The following TAOK3 variants were observed in gnomAD, a reference collection of about 807,000 sequenced individuals.
TAOK3 encodes serine/threonine-protein kinase TAO3.
In TAOK3, 40 loss-of-function variants were observed where a neutral mutation model predicts 120.4. The ratio of observed to expected loss-of-function variants is 0.33; its 90% CI spans 0.26 to 0.43. TAOK3 has a LOEUF of 0.43. TAOK3 is among the 20% of genes least tolerant of loss of function. The pLI, the probability that TAOK3 is intolerant of heterozygous loss-of-function variation, is 1.00. For missense variants in TAOK3, 821 were observed against 1,112.1 expected, an observed-to-expected ratio of 0.74 and a Z score of 3.72; for synonymous variants, 355 against 387.5, an observed-to-expected ratio of 0.92 and a Z score of 0.99.
intron 14 of TAOK3, among the ~76,000 whole-genome samples, chr12:118,184,724 T>G (rs2138968226): frequency 6.6e-6 from 1 of 152,352 alleles, no homozygotes; most frequent in South Asian, 2.1e-4. Flanking sequence ...CTGTAGTTTT[T>G]ACAATGGCAG....
intron 1 of TAOK3, among the ~76,000 whole-genome samples, chr12:118,301,235 C>T (rs1213185926): frequency 6.6e-6 from 1 of 152,164 alleles, no homozygotes; most frequent in Non-Finnish European, 1.5e-5. Context: ...ATGCCATAAG[C>T]AGCTGCAAAT....
intron 5 of TAOK3, among the ~76,000 whole-genome samples, chr12:118,242,002 A>G (rs1839874685): frequency 6.6e-6 from 1 of 151,370 alleles, no homozygotes; most frequent in Non-Finnish European, 1.5e-5. Flanking sequence ...CAGGAGAATC[A>G]CTTGAACCCG....
chr12:118,252,957 A>C (rs2040821513), intron 3 of TAOK3, among the ~76,000 whole-genome samples: 2 of 151,932 alleles, frequency 1.3e-5, no homozygotes, highest in South Asian at 4.2e-4. Flanking sequence ...CGAACTCTTG[A>C]CCTCGTGATC....
At position 118,246,513 on chromosome 12, in the gene TAOK3, T is replaced by C. The variant is rs2040513250; in HGVS notation, c.121-1548A>G. Reference sequence around the variant, plus strand: ...CCACGTCGGTCTGGGTGTTAAGTGCTCCAAGGAGGTGGCCACCGCCATCCG... The same window carrying C: ...CCACGTCGGTCTGGGTGTTAAGTGCCCCAAGGAGGTGGCCACCGCCATCCG... On this transcript the variant is annotated intron_variant, in intron 3 of 20. Transcript: ENST00000392533. 17 of 1,564,220 alleles carry C rather than the reference T, an allele frequency of 1.1e-5. No homozygotes were observed. The South Asian group carries it at 1.9e-4, about 18-fold the overall frequency.
intron 14 of TAOK3, among the ~76,000 whole-genome samples, chr12:118,186,275 C>T (rs1334363996): frequency 6.6e-6 from 1 of 152,164 alleles, no homozygotes; most frequent in African/African-American, 2.4e-5. Context: ...CTCTGTAATG[C>T]AGTCACAGGT....
intron 15 of TAOK3, 82 bp downstream of exon 15, chr12:118,181,289 C>T: frequency 8.1e-7 from 1 of 1,236,338 alleles, no homozygotes; most frequent in Non-Finnish European, 1.2e-6. Flanking sequence ...ATCCCCCACT[C>T]CTGCCTCTTG....
intron 7 of TAOK3, chr12:118,236,221 A>T (rs1000990107): frequency 1.3e-5 from 2 of 153,134 alleles, no homozygotes; most frequent in African/African-American, 4.8e-5. Flanking sequence ...TGCAACTCTA[A>T]GGCATTTGAG....
chr12:118,247,118 A>G (rs1224188262), intron 3 of TAOK3, among the ~76,000 whole-genome samples: 1 of 152,220 alleles, frequency 6.6e-6, no homozygotes, highest in Non-Finnish European at 1.5e-5. Context: ...TAGATTGTCC[A>G]AAAGAGTAAC....
At chr12:118,285,920 C>A (rs760381067) in intron 1 of TAOK3, among the ~76,000 whole-genome samples, 1 of 152,034 alleles carries the variant, frequency 6.6e-6, no homozygotes, top group Non-Finnish European at 1.5e-5. Context: ...AGGCAAAAGG[C>A]GGAAGGACTC....
At chr12:118,329,059 G>T (rs192366318) in intron 1 of TAOK3, among the ~76,000 whole-genome samples, 73 of 152,180 alleles carry the variant, frequency 4.8e-4, no homozygotes, top group Non-Finnish European at 7.4e-5. Flanking sequence ...CACTTAAAGG[G>T]TATTTAACCC....
intron 2 of TAOK3, among the ~76,000 whole-genome samples, chr12:118,260,879 C>T (rs915920903): frequency 6.6e-6 from 1 of 152,150 alleles, no homozygotes; most frequent in Non-Finnish European, 1.5e-5. Context: ...CAGGGTTTCA[C>T]CATGTTGGCC....
At chr12:118,204,576 G>A (rs759888688) in intron 11 of TAOK3, among the ~76,000 whole-genome samples, 1 of 152,200 alleles carries the variant, frequency 6.6e-6, no homozygotes, top group Non-Finnish European at 1.5e-5. Flanking sequence ...CCAGAAGCAA[G>A]TGTAGCCTGC....
At chr12:118,176,005 T>A (rs1476640354) in intron 16 of TAOK3, among the ~76,000 whole-genome samples, 3 of 152,210 alleles carry the variant, frequency 2.0e-5, no homozygotes, top group Non-Finnish European at 4.4e-5. Context: ...GCTTACCAGT[T>A]AGTAGAGTAA....
chr12:118,366,812 A>T (rs1335610654), intron 1 of TAOK3, among the ~76,000 whole-genome samples: 1 of 152,198 alleles, frequency 6.6e-6, no homozygotes, highest in Non-Finnish European at 1.5e-5. Context: ...ACTCCAGGCC[A>T]GGCATGGTGG....
intron 17 of TAOK3, among the ~76,000 whole-genome samples, chr12:118,171,563 G>C (rs937271980): frequency 6.6e-6 from 1 of 152,098 alleles, no homozygotes; most frequent in Non-Finnish European, 1.5e-5. Context: ...CACCATGTTG[G>C]CCAGGTTGGT....
chr12:118,363,018 C>CAAAAAAAAAAA (rs60475060), intron 1 of TAOK3, among the ~76,000 whole-genome samples: 44 of 45,882 alleles, frequency 9.6e-4, no homozygotes, highest in Non-Finnish European at 1.2e-3. Context: ...GACTCCGTAT[C>CAAAAAAAAAAA]AAAAAAAAAA....
chr12:118,217,124 A>C lies in TAOK3; in HGVS notation c.644-3014T>G, dbSNP rs2139560899. Among the ~76,000 whole-genome samples, 3 of 152,240 alleles carry C rather than the reference A, an allele frequency of 2.0e-5. No individual in the cohort carries two copies. In the Middle Eastern group the frequency reaches 0.01, roughly 518 times the overall value. On this transcript the variant is annotated intron_variant, in intron 9 of 20. Transcript: ENST00000392533. ...TCTATTAACCACTTCTAAAATGACA[A>C]ATCGGGCTTATTCTATGCAGTTCAA...
intron 7 of TAOK3, among the ~76,000 whole-genome samples, chr12:118,236,878 A>G (rs967895775): frequency 2.2e-4 from 34 of 152,214 alleles, no homozygotes; most frequent in African/African-American, 7.0e-4. Context: ...ATTATTTTAC[A>G]TACTAAAGAA....
In TAOK3 at chr12:118,291,155, C is replaced by T. The variant is rs144943446; in HGVS notation, c.-193-24396G>A. ...ACAGGAGTGAGCCACCGCGCCCGGC[C>T]GGGTTTTTACTTTTTTTTGAGATGG... is the stretch of plus-strand genomic sequence containing the variant. On this transcript the variant is annotated intron_variant, in intron 1 of 20. Coordinates refer to ENST00000392533, the MANE Select transcript of TAOK3 (RefSeq NM_016281.4). Among the ~76,000 whole-genome samples the T allele has an allele frequency of 2.4e-3, 352 of 145,828 alleles. 2 individuals are homozygous for T. Among genetic ancestry groups the T allele is most frequent in the Middle Eastern group, 8.3e-3 (2 of 242 alleles).
Sources: allele counts gnomAD v4.1 joint callset (sites outside exome capture counted in the v4.1 genomes callset), GRCh38; gene constraint gnomAD v4.1.1; transcripts MANE v1.5; gene names NCBI Gene and HGNC (gene_info 2026-07-23, HGNC 2026-07-21).